WDR17: variants seen among roughly 807,000 people sequenced by gnomAD.
WDR17 encodes the protein WD repeat domain 17.
A neutral mutation model predicts 161.7 loss-of-function variants in WDR17; 143 were observed. The observed-to-expected ratio is 0.88, with a 90% CI of 0.77 to 1.02. The LOEUF (loss-of-function observed/expected upper bound fraction) is 1.02, where lower values mean the gene tolerates loss of function less well. WDR17 is among the 50% of genes least tolerant of loss of function. The pLI is 0.00. For synonymous variants in WDR17, 517 were observed against 515.6 expected, an observed-to-expected ratio of 1.00 and a Z score of -0.04; for missense variants, 1,469 against 1,520.9, an observed-to-expected ratio of 0.97 and a Z score of 0.57.
chr4:176,157,424 TC>T (rs1313315166), intron 18 of WDR17, among the ~76,000 whole-genome samples: 1 of 152,180 alleles, frequency 6.6e-6, no homozygotes, highest in Non-Finnish European at 1.5e-5. Context: ...AGTAGACTGT[TC>T]CCTAGCACCT....
intron 23 of WDR17, among the ~76,000 whole-genome samples, chr4:176,170,316 C>CTTTTTTTT (rs34343977): frequency 1.6e-5 from 2 of 125,160 alleles, no homozygotes; most frequent in African/African-American, 3.0e-5. Context: ...TTTCTTTTTT[C>CTTTTTTTT]TTTTTTTTTT....
intron 13 of WDR17, 46 bp downstream of exon 13, chr4:176,148,381 T>C: frequency 6.6e-7 from 1 of 1,509,936 alleles, no homozygotes; most frequent in African/African-American, 1.4e-5. Flanking sequence ...ATTGACATAC[T>C]AATGATGCTT....
At chr4:176,137,366 A>C (rs979259209) in intron 8 of WDR17, among the ~76,000 whole-genome samples, 154 bp from the exon 9 acceptor site, 1 of 151,584 alleles carries the variant, frequency 6.6e-6, no homozygotes, top group Non-Finnish European at 1.5e-5. Context: ...TTATTATTTT[A>C]TCTATAATTT....
intron 23 of WDR17, among the ~76,000 whole-genome samples, chr4:176,170,807 G>A (rs1185518136): frequency 6.6e-6 from 1 of 152,190 alleles, no homozygotes; most frequent in African/African-American, 2.4e-5. Flanking sequence ...ATGTGTAAAA[G>A]TGTTAATAAC....
intron 10 of WDR17, among the ~76,000 whole-genome samples, chr4:176,141,649 T>C (rs1475550888): frequency 6.6e-6 from 1 of 152,112 alleles, no homozygotes; most frequent in East Asian, 1.9e-4. Context: ...GCCAGGCTGG[T>C]CTTGAACCCC....
chr4:176,147,321 G>T (rs908285530), intron 12 of WDR17, among the ~76,000 whole-genome samples: 5 of 152,082 alleles, frequency 3.3e-5, no homozygotes, highest in Non-Finnish European at 5.9e-5. Context: ...ATTGTGAATT[G>T]TCTAAGCAAA....
chr4:176,113,598 TA>T (rs1740129060), intron 2 of WDR17, among the ~76,000 whole-genome samples: 1 of 152,152 alleles, frequency 6.6e-6, no homozygotes, highest in East Asian at 1.9e-4. Flanking sequence ...ATGGTGACAT[TA>T]ATATGAAATT....
chr4:176,115,673 A>T, intron 2 of WDR17, 123 bp from the exon 3 acceptor site: 1 of 663,502 alleles, frequency 1.5e-6, no homozygotes, highest in Non-Finnish European at 2.3e-6. Flanking sequence ...ATATGTTCAT[A>T]TCTTTATTAT....
chr4:176,124,984 C>T, intron 4 of WDR17, 120 bp from the exon 5 acceptor site: 1 of 1,155,910 alleles, frequency 8.7e-7, no homozygotes, highest in Non-Finnish European at 1.2e-6. Context: ...ATATAAGCAC[C>T]ACATTTGTAT....
chr4:176,148,136 C>A lies in WDR17; in HGVS notation c.1698C>A (p.Thr566=), dbSNP rs201189999. 1 of 1,613,338 alleles carries A rather than the reference C, an allele frequency of 6.2e-7. No individual in the cohort carries two copies. Among genetic ancestry groups the A allele is most frequent in the Non-Finnish European group, 8.5e-7 (1 of 1,179,680 alleles). The change falls in exon 13 of 29, where the codon ACC becomes ACA. Residue 566 remains threonine (T), a synonymous_variant. Coordinates refer to ENST00000508596, the MANE Select transcript of WDR17 (RefSeq NM_181265.4). ...ACCCATAATATTCTGTTTTCAGTAC[C>A]GTTCGAATCTGGGATTATACTCAGG... ...GILCSGSDDG[T]VRIWDYTQDA...
At chr4:176,167,374 C>T (rs970440109) in intron 22 of WDR17, among the ~76,000 whole-genome samples, 5 of 151,638 alleles carry the variant, frequency 3.3e-5, no homozygotes, top group Non-Finnish European at 4.4e-5. Context: ...TGGCCGGGCG[C>T]GGTGGCTCAC....
intron 22 of WDR17, among the ~76,000 whole-genome samples, chr4:176,165,447 C>A (rs551303760): frequency 6.6e-6 from 1 of 152,202 alleles, no homozygotes; most frequent in Non-Finnish European, 1.5e-5. Context: ...GTTAGGGGTG[C>A]CAACCCCCCA....
intron 17 of WDR17, among the ~76,000 whole-genome samples, chr4:176,155,533 T>G (rs1324491033): frequency 1.4e-5 from 2 of 142,218 alleles, no homozygotes; most frequent in South Asian, 4.3e-4. Context: ...GTTTTTTTGT[T>G]TATTTGTTTG....
intron 23 of WDR17, among the ~76,000 whole-genome samples, chr4:176,169,863 CT>C (rs1423409356): frequency 6.6e-6 from 1 of 152,160 alleles, no homozygotes; most frequent in Non-Finnish European, 1.5e-5. Context: ...ATTTTAACTA[CT>C]TTATACACCT....
rs1326518527 is a variant in WDR17, at chr4:176,179,984, TTGAA to T, written c.*407_*410del. 2 of 152,202 alleles carry T rather than the reference TTGAA, an allele frequency of 1.3e-5. No individual in the cohort carries two copies. Among genetic ancestry groups the T allele is most frequent in the Non-Finnish European group, 2.9e-5 (2 of 68,058 alleles). 9.4% of individuals were successfully genotyped at this position (152,202 alleles called of 1,614,324 possible). On this transcript the variant is annotated 3_prime_UTR_variant, in exon 29 of 29. Coordinates refer to ENST00000508596, the MANE Select transcript of WDR17 (RefSeq NM_181265.4). The stretch of plus-strand genomic sequence containing the variant: ...AAGTACTTAATGGATATTTGAATGA[TTGAA>T]TATCTTGAAATGTTGAAATGTAAGG...
At chr4:176,068,364 C>CT (rs34910931) in intron 1 of WDR17, 29,046 of 152,114 alleles carry the variant, frequency 0.19, 3,060 homozygotes, top group South Asian at 0.27. Context: ...CTTTGGGAGG[C>CT]TGAGGCAGGC....
At chr4:176,150,653 A>C in intron 16 of WDR17, 60 bp downstream of exon 16, 2 of 1,482,292 alleles carry the variant, frequency 1.3e-6, no homozygotes, top group Non-Finnish European at 1.8e-6. Context: ...TCACTATTAA[A>C]ATGTAAAAAT....
Position 176,152,294 on chromosome 4 carries a change from C to CAAAAAAAAAAAAAAAAAA in WDR17, c.2460+330_2460+347dup, listed in dbSNP as rs397837505. ...TGGGCTACAGAAAGAGACCCTATCT[C>CAAAAAAAAAAAAAAAAAA]AAAAAAAAAAAAAAAAAAAAGCCTG... is the stretch of plus-strand genomic sequence containing the variant. On this transcript the variant is annotated intron_variant, in intron 17 of 28. Transcript: ENST00000508596. 5.2e-3 allele frequency among the ~76,000 whole-genome samples: 378 copies of CAAAAAAAAAAAAAAAAAA among 72,100 alleles called. 21 individuals are homozygous for CAAAAAAAAAAAAAAAAAA. The highest frequency in any genetic ancestry group is 0.029 in the Middle Eastern group (3 of 102). 47.3% of individuals were successfully genotyped at this position (72,100 alleles called of 152,430 possible).
intron 23 of WDR17, among the ~76,000 whole-genome samples, chr4:176,169,640 C>T (rs896578923): frequency 2.6e-5 from 4 of 152,000 alleles, no homozygotes; most frequent in Admixed American, 1.3e-4. Flanking sequence ...TTATTTGAAC[C>T]GTGATTTTTT....
Sources: allele counts gnomAD v4.1 joint callset (sites outside exome capture counted in the v4.1 genomes callset), GRCh38; gene constraint gnomAD v4.1.1; transcripts MANE v1.5; gene names NCBI Gene and HGNC (gene_info 2026-07-23, HGNC 2026-07-21).